The following GRIK1 variants were observed in gnomAD, a reference collection of about 807,000 sequenced individuals.
GRIK1 encodes the protein glutamate receptor ionotropic, kainate 1.
A neutral mutation model predicts 105.7 loss-of-function variants in GRIK1; 69 were observed. The observed-to-expected ratio is 0.65, with a 90% CI of 0.54 to 0.80. The LOEUF is 0.80. Ranked by LOEUF, GRIK1 falls within the 30% of genes least tolerant of loss-of-function variation. The pLI is 0.00. For synonymous variants in GRIK1, 438 were observed against 431.3 expected, an observed-to-expected ratio of 1.02 and a Z score of -0.19; for missense variants, 1,109 against 1,167.3, an observed-to-expected ratio of 0.95 and a Z score of 0.73.
intron 7 of GRIK1, among the ~76,000 whole-genome samples, chr21:29,622,407 T>C (rs942445750): frequency 7.2e-5 from 11 of 152,242 alleles, no homozygotes; most frequent in African/African-American, 2.7e-4. Context: ...TCTACATGGT[T>C]GAAATCAGTG....
chr21:29,839,845 T>G (rs182124027), intron 1 of GRIK1, among the ~76,000 whole-genome samples: 1 of 152,298 alleles, frequency 6.6e-6, no homozygotes, highest in Non-Finnish European at 1.5e-5. Flanking sequence ...TCAAGAACAC[T>G]AATCTCGCTG....
At position 29,621,407 on chromosome 21, in the gene GRIK1, T is replaced by G. The variant is rs147628630; in HGVS notation, c.1098+21419A>C. Among the ~76,000 whole-genome samples, 1,384 of 151,830 alleles carry G rather than the reference T, an allele frequency of 9.1e-3. 22 individuals carry two copies. The highest frequency in any genetic ancestry group is 0.031 in the African/African-American group (1,279 of 41,354). Reference sequence around the variant, plus strand: ...TGGGCCTGAGGGGTGTGTGTGTGTGTGTGTGGGGAAGACGATCTAAAACCT... The same window carrying G: ...TGGGCCTGAGGGGTGTGTGTGTGTGGGTGTGGGGAAGACGATCTAAAACCT... On this transcript the variant is annotated intron_variant, in intron 7 of 17. Coordinates refer to ENST00000327783, the MANE Select transcript of GRIK1 (RefSeq NM_001330994.2).
chr21:29,680,535 C>T (rs184791531), intron 3 of GRIK1, among the ~76,000 whole-genome samples: 19 of 152,308 alleles, frequency 1.2e-4, no homozygotes, highest in Non-Finnish European at 8.8e-5. Context: ...CAAGAGTAGG[C>T]CCTCCTTATC....
At chr21:29,827,173 A>T (rs2067484122) in intron 1 of GRIK1, among the ~76,000 whole-genome samples, 1 of 152,134 alleles carries the variant, frequency 6.6e-6, no homozygotes, top group Non-Finnish European at 1.5e-5. Flanking sequence ...CTAACTTAAT[A>T]AAGAAATGCA....
At chr21:29,935,739 T>G (rs137959655) in intron 1 of GRIK1, among the ~76,000 whole-genome samples, 2 of 152,316 alleles carry the variant, frequency 1.3e-5, no homozygotes, top group East Asian at 3.9e-4. Context: ...AGTACCATAT[T>G]TATTTGGTGG....
intron 1 of GRIK1, among the ~76,000 whole-genome samples, chr21:29,906,302 T>C (rs2070637800): frequency 6.6e-6 from 1 of 152,230 alleles, no homozygotes; most frequent in Admixed American, 6.5e-5. Flanking sequence ...GAAAGCTATA[T>C]ATTTTATATC....
intron 1 of GRIK1, among the ~76,000 whole-genome samples, chr21:29,892,487 T>C (rs1465694807): frequency 2.6e-5 from 4 of 152,220 alleles, no homozygotes; most frequent in African/African-American, 9.6e-5. Flanking sequence ...GGGAAAGTGA[T>C]TGATGTGACT....
intron 1 of GRIK1, among the ~76,000 whole-genome samples, chr21:29,780,916 C>T (rs1023569152): frequency 1.3e-5 from 2 of 152,118 alleles, no homozygotes; most frequent in African/African-American, 4.8e-5. Flanking sequence ...ATCTGCTATT[C>T]CTGGATGATT....
intron 1 of GRIK1, among the ~76,000 whole-genome samples, chr21:29,842,535 C>G (rs1416767991): frequency 6.6e-6 from 1 of 152,142 alleles, no homozygotes; most frequent in East Asian, 1.9e-4. Context: ...GACGAAAGAA[C>G]ATGCATTCAT....
At chr21:29,631,152 G>A (rs1213140581) in intron 7 of GRIK1, among the ~76,000 whole-genome samples, 1 of 152,210 alleles carries the variant, frequency 6.6e-6, no homozygotes, top group Non-Finnish European at 1.5e-5. Context: ...CTATTATGCT[G>A]GTAAAGCTAA....
intron 13 of GRIK1, among the ~76,000 whole-genome samples, chr21:29,580,053 GTA>G (rs34751475): frequency 0.017 from 2,349 of 134,914 alleles, 85 homozygotes; most frequent in Admixed American, 0.086. Context: ...ATGTATATAT[GTA>G]TATATATATG....
chr21:29,881,507 A>G (rs989539944), intron 1 of GRIK1, among the ~76,000 whole-genome samples: 9 of 152,148 alleles, frequency 5.9e-5, no homozygotes, highest in African/African-American at 2.2e-4. Flanking sequence ...CAAGGGTCAG[A>G]TTCATCTAAC....
intron 1 of GRIK1, among the ~76,000 whole-genome samples, chr21:29,852,554 G>C (rs988906826): frequency 7.2e-5 from 11 of 152,118 alleles, no homozygotes; most frequent in African/African-American, 2.7e-4. Flanking sequence ...GTGCACTACT[G>C]ATATTTTCTT....
chr21:29,812,702 A>G (rs1487133455), intron 1 of GRIK1, among the ~76,000 whole-genome samples: 1 of 152,198 alleles, frequency 6.6e-6, no homozygotes, highest in Admixed American at 6.5e-5. Flanking sequence ...TAGGAAATAC[A>G]CAGATGAGTG....
chr21:29,836,957 C>G (rs796341903), intron 1 of GRIK1, among the ~76,000 whole-genome samples: 1 of 152,176 alleles, frequency 6.6e-6, no homozygotes, highest in African/African-American at 2.4e-5. Context: ...AAGTCCAACT[C>G]TCACCTTAGG....
intron 1 of GRIK1, 54 bp from the exon 2 acceptor site, chr21:29,694,117 A>AATT: frequency 4.6e-6 from 2 of 435,184 alleles, no homozygotes; most frequent in Non-Finnish European, 7.8e-6. Context: ...TTCACATGTA[A>AATT]TTTTTTTTTT....
At chr21:29,873,164 T>C (rs1006805859) in intron 1 of GRIK1, among the ~76,000 whole-genome samples, 6 of 152,234 alleles carry the variant, frequency 3.9e-5, no homozygotes, top group Non-Finnish European at 8.8e-5. Context: ...GTTTGTTTCC[T>C]GAAATGGACT....
chr21:29,557,883 G>C (rs577911703), intron 15 of GRIK1, among the ~76,000 whole-genome samples: 1 of 152,286 alleles, frequency 6.6e-6, no homozygotes, highest in East Asian at 1.9e-4. Context: ...TATGTTAGTT[G>C]TTGCAGTAAT....
At chr21:29,884,403 G>C (rs2069531494) in intron 1 of GRIK1, among the ~76,000 whole-genome samples, 1 of 151,998 alleles carries the variant, frequency 6.6e-6, no homozygotes, top group African/African-American at 2.4e-5. Context: ...TCAAGAGGAA[G>C]AACAGGTTGG....
Sources: allele counts gnomAD v4.1 joint callset (sites outside exome capture counted in the v4.1 genomes callset), GRCh38; gene constraint gnomAD v4.1.1; transcripts MANE v1.5; gene names NCBI Gene and HGNC (gene_info 2026-07-23, HGNC 2026-07-21).